ANKRD31: variants seen among roughly 807,000 people sequenced by gnomAD.
The protein encoded by ANKRD31 is ankyrin repeat domain 31.
Under a neutral mutation model 186.0 loss-of-function variants are expected in ANKRD31, and 147 were observed. The observed-to-expected ratio is 0.79, with a 90% CI of 0.69 to 0.91. ANKRD31 has a LOEUF of 0.91. ANKRD31 is among the 40% of genes least tolerant of loss of function. ANKRD31 has a pLI of 0.00. For synonymous variants in ANKRD31, 673 were observed against 736.4 expected, an observed-to-expected ratio of 0.91 and a Z score of 1.39; for missense variants, 1,986 against 2,148.8, an observed-to-expected ratio of 0.92 and a Z score of 1.50.
chr5:75,151,827 T>C (rs1361059995), intron 12 of ANKRD31, among the ~76,000 whole-genome samples: 1 of 152,012 alleles, frequency 6.6e-6, no homozygotes, highest in Admixed American at 6.6e-5. Context: ...GGAGCCTGGG[T>C]TATGTGTCTT....
intron 25 of ANKRD31, 95 bp from the exon 26 acceptor site, chr5:75,068,759 T>C (rs1053220006): frequency 3.5e-5 from 44 of 1,269,796 alleles, no homozygotes; most frequent in Middle Eastern, 5.1e-4. Flanking sequence ...TCAAGTCTAT[T>C]TGAGAGCACA....
chr5:75,098,026 G>GT (rs1024657967), intron 22 of ANKRD31, among the ~76,000 whole-genome samples: 1,972 of 147,224 alleles, frequency 0.013, 32 homozygotes, highest in African/African-American at 0.044. Flanking sequence ...CTATATCTCT[G>GT]TTTTTTTTTT....
chr5:75,230,908 C>A (rs1377924049), intron 1 of ANKRD31, among the ~76,000 whole-genome samples: 1 of 152,078 alleles, frequency 6.6e-6, no homozygotes, highest in East Asian at 1.9e-4. Flanking sequence ...TGTCTCTAGT[C>A]TAATAAACCT....
At chr5:75,114,596 A>G (rs150819442) in intron 19 of ANKRD31, among the ~76,000 whole-genome samples, 1,906 of 152,270 alleles carry the variant, frequency 0.013, 9 homozygotes, top group Non-Finnish European at 0.019. Flanking sequence ...AATCACAAGC[A>G]TTCTTATACA....
intron 12 of ANKRD31, among the ~76,000 whole-genome samples, chr5:75,149,865 A>G (rs896002465): frequency 4.0e-5 from 6 of 151,878 alleles, no homozygotes; most frequent in Non-Finnish European, 7.4e-5. Flanking sequence ...GAGTAGAAAA[A>G]TCGTATTTTC....
intron 23 of ANKRD31, among the ~76,000 whole-genome samples, chr5:75,088,409 A>G (rs552034541): frequency 6.6e-6 from 1 of 152,352 alleles, no homozygotes; most frequent in East Asian, 1.9e-4. Flanking sequence ...CCTACTTTTC[A>G]TCTGCAGTAA....
chr5:75,212,677 G>C (rs1756726897), intron 3 of ANKRD31, among the ~76,000 whole-genome samples: 1 of 152,164 alleles, frequency 6.6e-6, no homozygotes, highest in African/African-American at 2.4e-5. Context: ...ATCTGAAGTT[G>C]TTGTGTCCCT....
At chr5:75,098,792 A>C (rs552193406) in intron 22 of ANKRD31, among the ~76,000 whole-genome samples, 161 of 152,286 alleles carry the variant, frequency 1.1e-3, no homozygotes, top group South Asian at 2.5e-3. Context: ...GTATCCTGAG[A>C]CTTTGCTGAA....
Position 75,193,353 on chromosome 5 carries a change from C to G in ANKRD31, c.1256G>C (p.Cys419Ser), listed in dbSNP as rs371329708. 265 of 1,536,876 alleles carry G rather than the reference C, an allele frequency of 1.7e-4. 3 individuals are homozygous for G. In the South Asian group the frequency reaches 3.1e-3, roughly 18 times the overall value. ...PEKILPKILG[C>S]EDLTNNNSSA... Reference sequence around the variant, plus strand: ...AGAGTTATTATTTGTTAGGTCCTCACAGCCAAGGATTTTTGGTAAAATCTT... The same window carrying G: ...AGAGTTATTATTTGTTAGGTCCTCAGAGCCAAGGATTTTTGGTAAAATCTT... The change falls in exon 8 of 26, where the codon TGT (cysteine) becomes TCT (serine). Residue 419 changes from cysteine to serine, a missense_variant. Transcript: ENST00000506364.
chr5:75,148,936 T>TA (rs941302293), intron 12 of ANKRD31, among the ~76,000 whole-genome samples: 1 of 151,886 alleles, frequency 6.6e-6, no homozygotes, highest in African/African-American at 2.4e-5. Context: ...ATGACCTTTT[T>TA]ATTCAATAGA....
Position 75,146,871 on chromosome 5 carries a change from T to C in ANKRD31, c.2540A>G (p.Lys847Arg). ...CTTATCTGTAGTAACAACTGGTAAC[T>C]TGATTTCTTTATGTAATAAAAGCCC... is the stretch of plus-strand genomic sequence containing the variant. ...FPGLLLHKEI[K>R]LPVVTTDKQP... Residue 847 changes from lysine (K) to arginine (R), a missense_variant, in exon 14 of 26, where the codon AAG becomes AGG. By Grantham distance (26) the Lys-to-Arg change is conservative. Transcript: ENST00000506364. The C allele has an allele frequency of 6.5e-7, 1 of 1,536,422 alleles. No homozygotes were observed. The highest frequency in any genetic ancestry group is 8.7e-7 in the Non-Finnish European group (1 of 1,146,338).
At chr5:75,148,771 A>G in intron 12 of ANKRD31, 143 bp from the exon 13 acceptor site, 1 of 544,120 alleles carries the variant, frequency 1.8e-6, no homozygotes, top group Non-Finnish European at 3.2e-6. Flanking sequence ...ATTGGCACAT[A>G]CAACATTCCT....
intron 10 of ANKRD31, among the ~76,000 whole-genome samples, chr5:75,172,701 C>T (rs1300172006): frequency 6.6e-6 from 1 of 152,160 alleles, no homozygotes; most frequent in Non-Finnish European, 1.5e-5. Context: ...GAAGTTGAAT[C>T]TCTGAATAGA....
Position 75,091,297 on chromosome 5 carries a change from G to A in ANKRD31, c.5436C>T (p.Gly1812=), listed in dbSNP as rs759043502. 1 of 1,536,976 alleles carries A rather than the reference G, an allele frequency of 6.5e-7. No individual in the cohort carries two copies. Among genetic ancestry groups the A allele is most frequent in the South Asian group, 1.2e-5 (1 of 84,004 alleles). ...CATAATTCCAGGTCACATAACTGTT[G>A]CCTCCCAGAAGATCCTTGAGCCAGG... ...PVTWLKDLLG[G]NSYVTWNYAW... is the part of the protein sequence containing the mutation. Residue 1812 remains glycine, a synonymous_variant, in exon 23 of 26, where the codon GGC becomes GGT. Coordinates refer to ENST00000506364, the MANE Select transcript of ANKRD31 (RefSeq NM_001372053.1).
Position 75,068,520 on chromosome 5 carries a change from T to C in ANKRD31, c.5792A>G (p.Ter1931=), listed in dbSNP as rs1743943402. 7 of 1,488,026 alleles carry C rather than the reference T, an allele frequency of 4.7e-6. No homozygotes were observed. Among genetic ancestry groups the C allele is most frequent in the Non-Finnish European group, 6.2e-6 (7 of 1,126,636 alleles). 92.2% of individuals were successfully genotyped at this position (1,488,026 alleles called of 1,614,324 possible). A position where few individuals can be genotyped will look rare whatever the true frequency, so the allele number is the denominator to read the frequency against. Residue 1931 remains the stop codon, a stop_retained_variant, in exon 26 of 26, where the codon TAA becomes TGA. Transcript: ENST00000506364. The stretch of plus-strand genomic sequence containing the variant: ...ATAAAATATTAAGAAACCAAGGTTT[T>C]AGGGTGTTAGTTCCTCACATTCCAC... The part of the protein sequence containing the change: ...FCVECEELTP[*]
chr5:75,221,261 C>G (rs1202974029), intron 3 of ANKRD31, among the ~76,000 whole-genome samples: 2 of 151,580 alleles, frequency 1.3e-5, no homozygotes, highest in Non-Finnish European at 2.9e-5. Context: ...AATCTGTACA[C>G]CAAAAAAATT....
chr5:75,068,978 G>T (rs935302095), intron 25 of ANKRD31, among the ~76,000 whole-genome samples: 1 of 152,156 alleles, frequency 6.6e-6, no homozygotes. Context: ...TAAAACAGTT[G>T]TATTAACTGA....
At chr5:75,190,141 T>C (rs1406227694) in intron 9 of ANKRD31, among the ~76,000 whole-genome samples, 6 of 152,054 alleles carry the variant, frequency 3.9e-5, no homozygotes, top group African/African-American at 1.4e-4. Context: ...CACCTCAGCC[T>C]CCCGAGTAGC....
chr5:75,137,602 G>A (rs1580411065), intron 17 of ANKRD31, among the ~76,000 whole-genome samples: 2 of 151,990 alleles, frequency 1.3e-5, no homozygotes, highest in Non-Finnish European at 2.9e-5. Context: ...TAGATTTATG[G>A]GTTGTGTTTA....
Sources: allele counts gnomAD v4.1 joint callset (sites outside exome capture counted in the v4.1 genomes callset), GRCh38; gene constraint gnomAD v4.1.1; transcripts MANE v1.5; gene names NCBI Gene and HGNC (gene_info 2026-07-23, HGNC 2026-07-21).